Variants in SCNN1B observed in about 807,000 individuals in gnomAD.
SCNN1B encodes sodium channel epithelial 1 subunit beta.
Under a neutral mutation model 65.3 loss-of-function variants are expected in SCNN1B, and 46 were observed. The ratio of observed to expected loss-of-function variants is 0.70; its 90% confidence interval spans 0.56 to 0.90. The LOEUF is 0.90. Among genes scored for constraint, SCNN1B ranks in the 40% least tolerant of loss-of-function variants. The pLI, the probability that SCNN1B is intolerant of heterozygous loss-of-function variation, is 0.00. For missense variants in SCNN1B, 751 were observed against 830.5 expected, an observed-to-expected ratio of 0.90 and a Z score of 1.18; for synonymous variants, 349 against 330.6, an observed-to-expected ratio of 1.06 and a Z score of -0.60.
chr16:23,367,010 G>A (rs1030688722), intron 4 of SCNN1B, among the ~76,000 whole-genome samples: 2 of 152,204 alleles, frequency 1.3e-5, no homozygotes, highest in Non-Finnish European at 2.9e-5. Flanking sequence ...GGGCCCAGGA[G>A]TTCCTCGGCT....
intron 2 of SCNN1B, among the ~76,000 whole-genome samples, chr16:23,290,218 G>C (rs1960904579): frequency 6.6e-6 from 1 of 152,174 alleles, no homozygotes; most frequent in Non-Finnish European, 1.5e-5. Context: ...GCACAGTTAA[G>C]TGCTACCTAA....
At chr16:23,293,114 CAAAAAA>C (rs1191618996) in intron 2 of SCNN1B, among the ~76,000 whole-genome samples, 3,770 of 33,926 alleles carry the variant, frequency 0.11, 182 homozygotes, top group African/African-American at 0.27. Flanking sequence ...GACTCATTCT[CAAAAAA>C]AAAAAAAAAA....
chr16:23,291,742 ATTT>A (rs10707900), intron 2 of SCNN1B, among the ~76,000 whole-genome samples: 3 of 131,494 alleles, frequency 2.3e-5, no homozygotes, highest in Admixed American at 7.8e-5. Flanking sequence ...CACGCAGCTA[ATTT>A]TTTTTTTTTT....
chr16:23,321,754 G>A (rs865799461), intron 1 of SCNN1B, among the ~76,000 whole-genome samples: 13 of 152,180 alleles, frequency 8.5e-5, no homozygotes, highest in African/African-American at 2.9e-4. Context: ...CAGACGCAGT[G>A]CCTAACACTT....
intron 1 of SCNN1B, among the ~76,000 whole-genome samples, chr16:23,313,571 C>T (rs1485631728): frequency 6.6e-6 from 1 of 152,186 alleles, no homozygotes; most frequent in Non-Finnish European, 1.5e-5. Flanking sequence ...GGCTCTCTCC[C>T]CTACAGTATA....
chr16:23,318,059 G>T (rs72652301), intron 1 of SCNN1B, among the ~76,000 whole-genome samples: 412 of 152,316 alleles, frequency 2.7e-3, no homozygotes, highest in African/African-American at 9.7e-3. Flanking sequence ...AGAGGCAAAC[G>T]GCCCAGGTTT....
intron 1 of SCNN1B, among the ~76,000 whole-genome samples, chr16:23,306,400 T>C (rs919134397): frequency 6.6e-5 from 10 of 152,190 alleles, no homozygotes; most frequent in African/African-American, 2.4e-4. Flanking sequence ...GTACAGTGCC[T>C]GACTCAAGTA....
In SCNN1B at chr16:23,380,930, T is replaced by C; in HGVS notation, c.*129T>C. The C allele has an allele frequency of 9.7e-7, 1 of 1,033,658 alleles. No individual in the cohort carries two copies. The highest frequency in any genetic ancestry group is 1.5e-6 in the Non-Finnish European group (1 of 663,898). 64.0% of individuals were successfully genotyped at this position (1,033,658 alleles called of 1,614,324 possible). On this transcript the variant is annotated 3_prime_UTR_variant, in exon 13 of 13. Transcript: ENST00000343070. The surrounding 1 kb of genome is among the most constrained non-coding windows in gnomAD (Gnocchi z 5.4). The stretch of plus-strand genomic sequence containing the variant: ...CTCTCCAGGCCAGAGCTTGTGTCCT[T>C]CAACAGAGAGGCCAGCGGCAACTGG...
rs542501402 is a variant in SCNN1B at position 23,371,503 on chromosome 16, G to A, written c.1044+41G>A. On this transcript the variant is annotated intron_variant, in intron 6 of 12. Coordinates refer to ENST00000343070, the MANE Select transcript of SCNN1B (RefSeq NM_000336.3). ...AAGGGCAGTCCTAGAGGGTCTGAGG[G>A]TGGGAGCCCACCTGTCCAGGGCCAA... The A allele has an allele frequency of 5.0e-6, 8 of 1,604,342 alleles. No homozygotes were observed. The East Asian group carries it at 6.7e-5, about 13-fold the overall frequency.
chr16:23,299,155 G>A (rs1961039179), upstream of SCNN1B, among the ~76,000 whole-genome samples: 1 of 151,314 alleles, frequency 6.6e-6, no homozygotes, highest in Non-Finnish European at 1.5e-5. Flanking sequence ...CGCCTCCCGG[G>A]TTCAAGTGAT....
At chr16:23,332,745 C>T (rs555890681) in intron 1 of SCNN1B, among the ~76,000 whole-genome samples, 85 of 152,196 alleles carry the variant, frequency 5.6e-4, no homozygotes, top group African/African-American at 1.9e-3. Context: ...CCCAGCCTCA[C>T]GGGTCTTCCT....
Position 23,348,508 on chromosome 16 carries a change from C to T in SCNN1B, c.-8-84C>T, listed in dbSNP as rs570467338. On this transcript the variant is annotated intron_variant, in intron 1 of 12. Transcript: ENST00000343070. The surrounding 1 kb of genome is among the most constrained non-coding windows in gnomAD (Gnocchi z 4.5). Reference sequence around the variant, plus strand: ...GGGAGGAAGAACGGGGACGTACCGCCGCCCAGTTCCTGGACGTGACTGGGA... The same window carrying T: ...GGGAGGAAGAACGGGGACGTACCGCTGCCCAGTTCCTGGACGTGACTGGGA... The T allele has an allele frequency of 8.4e-5, 112 of 1,334,328 alleles. No homozygotes were observed. The highest frequency in any genetic ancestry group is 1.0e-4 in the African/African-American group (7 of 69,462). 82.7% of individuals were successfully genotyped at this position (1,334,328 alleles called of 1,614,324 possible).
chr16:23,324,723 C>G (rs1961657172), intron 1 of SCNN1B, among the ~76,000 whole-genome samples: 1 of 152,228 alleles, frequency 6.6e-6, no homozygotes, highest in Admixed American at 6.5e-5. Context: ...CCCCTGGCAT[C>G]TTTCAAGGCT....
intron 1 of SCNN1B, among the ~76,000 whole-genome samples, chr16:23,282,282 G>A (rs1960794842): frequency 6.6e-6 from 1 of 152,166 alleles, no homozygotes; most frequent in Non-Finnish European, 1.5e-5. Flanking sequence ...CCCAAAATGA[G>A]GGGGAAGAAC....
chr16:23,306,442 T>TCA (rs1251713844), intron 1 of SCNN1B, among the ~76,000 whole-genome samples: 2 of 152,322 alleles, frequency 1.3e-5, no homozygotes, highest in Non-Finnish European at 2.9e-5. Flanking sequence ...ATGCTGATGC[T>TCA]GATAATGGTG....
intron 4 of SCNN1B, among the ~76,000 whole-genome samples, chr16:23,361,375 T>C (rs1962550868): frequency 6.6e-6 from 1 of 152,148 alleles, no homozygotes; most frequent in Non-Finnish European, 1.5e-5. Context: ...TGCTCTGTAC[T>C]TTGGAAAGGA....
chr16:23,360,233 T>TAAAC (rs1962517956), intron 4 of SCNN1B, among the ~76,000 whole-genome samples: 1 of 142,542 alleles, frequency 7.0e-6, no homozygotes, highest in African/African-American at 2.9e-5. Flanking sequence ...AATAAACAAA[T>TAAAC]AAATAAATAA....
At chr16:23,360,610 T>G (rs1446822062) in intron 4 of SCNN1B, among the ~76,000 whole-genome samples, 2 of 149,458 alleles carry the variant, frequency 1.3e-5, no homozygotes, top group East Asian at 3.9e-4. Context: ...TTTTTTTTTT[T>G]TTTGAGACGG....
At chr16:23,368,044 A>T in intron 5 of SCNN1B, 85 bp downstream of exon 5, 8 of 1,083,962 alleles carry the variant, frequency 7.4e-6, no homozygotes, top group Non-Finnish European at 1.1e-5. Flanking sequence ...CAGCTGTTGC[A>T]GGGTGGGACT....
Sources: gnomAD v4.1 joint callset for allele counts (sites outside exome capture counted in the v4.1 genomes callset) on GRCh38, gnomAD v4.1.1 for gene constraint, Gnocchi (gnomAD v3.1) non-coding constraint, MANE v1.5 for transcripts, NCBI Gene and HGNC (gene_info 2026-07-23, HGNC 2026-07-21) for gene names.